The following RASAL2 variants were observed in gnomAD, a reference collection of about 807,000 sequenced individuals.
RASAL2 encodes the protein RAS protein activator like 2.
In RASAL2, 58 loss-of-function variants were observed where a neutral mutation model predicts 128.9. The ratio of observed to expected loss-of-function variants is 0.45; its 90% CI spans 0.36 to 0.56. RASAL2 has a LOEUF of 0.56. RASAL2 is among the 20% of genes least tolerant of loss of function. The pLI, the probability that RASAL2 is intolerant of heterozygous loss-of-function variation, is 0.00. For missense variants in RASAL2, 1,360 were observed against 1,601.6 expected (o/e 0.85, Z 2.57); for synonymous variants, 561 against 580.8 (o/e 0.97, Z 0.49).
At chr1:178,410,661 A>G (rs1384595849) in intron 4 of RASAL2, among the ~76,000 whole-genome samples, 1 of 152,134 alleles carries the variant, frequency 6.6e-6, no homozygotes, top group East Asian at 1.9e-4. Context: ...CAGGAACTCA[A>G]ACAAATCAAG....
chr1:178,200,954 G>A (rs913368163), intron 1 of RASAL2, among the ~76,000 whole-genome samples: 3 of 152,134 alleles, frequency 2.0e-5, no homozygotes, highest in African/African-American at 7.2e-5. Flanking sequence ...CCGGTGCCTG[G>A]CAAGACACCC....
intron 1 of RASAL2, among the ~76,000 whole-genome samples, chr1:178,110,515 T>C (rs1201303991): frequency 1.4e-5 from 2 of 147,332 alleles, no homozygotes; most frequent in African/African-American, 2.5e-5. Flanking sequence ...ATAGCATATA[T>C]AGTGTATATA....
At chr1:178,251,591 C>T (rs1222521843) in intron 1 of RASAL2, among the ~76,000 whole-genome samples, 2 of 152,092 alleles carry the variant, frequency 1.3e-5, no homozygotes, top group African/African-American at 2.4e-5. Context: ...AAAGTGGGGA[C>T]AGGGAATGGT....
chr1:178,185,977 A>G (rs1662277458), intron 1 of RASAL2, among the ~76,000 whole-genome samples: 1 of 152,106 alleles, frequency 6.6e-6, no homozygotes, highest in African/African-American at 2.4e-5. Flanking sequence ...TGTTCCTTAA[A>G]TGTTCGGTAG....
intron 1 of RASAL2, among the ~76,000 whole-genome samples, chr1:178,263,910 TAAAC>T (rs2102144080): frequency 6.6e-6 from 1 of 152,296 alleles, no homozygotes; most frequent in African/African-American, 2.4e-5. Context: ...TGAGTTGTGT[TAAAC>T]AACTCCATAG....
At chr1:178,332,169 A>C (rs2102372837) in intron 3 of RASAL2, among the ~76,000 whole-genome samples, 1 of 152,236 alleles carries the variant, frequency 6.6e-6, no homozygotes, top group East Asian at 1.9e-4. Flanking sequence ...TAGTAATAGA[A>C]TTTTTCTAAT....
chr1:178,266,746 A>G (rs1307392925), intron 1 of RASAL2, among the ~76,000 whole-genome samples: 2 of 152,206 alleles, frequency 1.3e-5, no homozygotes, highest in African/African-American at 4.8e-5. Flanking sequence ...TTATTTGCAT[A>G]GGGCTCAGGG....
intron 1 of RASAL2, among the ~76,000 whole-genome samples, chr1:178,271,189 T>G (rs1173157581): frequency 1.3e-5 from 2 of 152,218 alleles, no homozygotes; most frequent in East Asian, 3.8e-4. Context: ...CCTGAACCTT[T>G]CAAGGATTCT....
intron 5 of RASAL2, among the ~76,000 whole-genome samples, chr1:178,437,099 A>G (rs1676301381): frequency 6.6e-6 from 1 of 152,128 alleles, no homozygotes; most frequent in South Asian, 2.1e-4. Context: ...GTGTAGCACC[A>G]TGGCAACAGA....
intron 1 of RASAL2, among the ~76,000 whole-genome samples, chr1:178,199,817 T>G (rs1217718818): frequency 3.9e-5 from 6 of 152,180 alleles, no homozygotes; most frequent in Non-Finnish European, 8.8e-5. Context: ...GGAGATTAAC[T>G]TTTGAGTCAG....
chr1:178,245,511 C>T (rs538540144), intron 1 of RASAL2, among the ~76,000 whole-genome samples: 25 of 152,210 alleles, frequency 1.6e-4, no homozygotes, highest in East Asian at 5.8e-4. Flanking sequence ...AATTTTCTCC[C>T]GTTCTGTAGG....
chr1:178,263,604 GTTAAC>G (rs1464224004), intron 1 of RASAL2, among the ~76,000 whole-genome samples: 2 of 152,130 alleles, frequency 1.3e-5, no homozygotes, highest in Non-Finnish European at 2.9e-5. Flanking sequence ...TTTCTGGTGT[GTTAAC>G]TTATTGAATC....
At position 178,174,799 on chromosome 1, in the gene RASAL2, T is replaced by G. The variant is rs538559346; in HGVS notation, c.202+80105T>G. Among the ~76,000 whole-genome samples the G allele has an allele frequency of 2.0e-5, 3 of 152,312 alleles. No individual in the cohort carries two copies. The East Asian group carries it at 5.8e-4, about 29-fold the overall frequency. On this transcript the variant is annotated intron_variant, in intron 1 of 17. Transcript: ENST00000367649. The stretch of plus-strand genomic sequence containing the variant: ...TCCAAGGACAATTGAAGGCAATAGC[T>G]GGTTCCTTCATGTGCTAAATTCAGC...
In RASAL2 at chr1:178,387,965, T is replaced by C. The variant is rs1672680677; in HGVS notation, c.458-2135T>C. 7.2e-5 allele frequency among the ~76,000 whole-genome samples: 11 copies of C among 151,968 alleles called. 1 individual carries two copies. The highest frequency in any genetic ancestry group is 7.2e-4 in the Admixed American group (11 of 15,244). On this transcript the variant is annotated intron_variant, in intron 3 of 17. Coordinates refer to ENST00000367649, the MANE Select transcript of RASAL2 (RefSeq NM_170692.4). ...AAGAAAGTGAGGAAATTAATTTCAG[T>C]TTTTTTTCCTTAGCCAGAACATTGC...
intron 1 of RASAL2, among the ~76,000 whole-genome samples, chr1:178,173,728 G>T (rs1447851254): frequency 6.6e-6 from 1 of 151,918 alleles, no homozygotes; most frequent in Non-Finnish European, 1.5e-5. Context: ...TAGAAGTAAG[G>T]ATTCAAATCC....
chr1:178,315,551 C>G (rs1344288524), intron 3 of RASAL2, among the ~76,000 whole-genome samples: 2 of 141,368 alleles, frequency 1.4e-5, no homozygotes, highest in South Asian at 4.5e-4. Flanking sequence ...TGATGGTGAG[C>G]ATTTTTTCAT....
intron 5 of RASAL2, among the ~76,000 whole-genome samples, chr1:178,438,881 C>CTGTG (rs3042589): frequency 0.15 from 19,186 of 129,140 alleles, 1,564 homozygotes; most frequent in East Asian, 0.21. Flanking sequence ...AGCTTCGACT[C>CTGTG]TGTGTGTGTG....
At chr1:178,245,281 A>G (rs1664719969) in intron 1 of RASAL2, among the ~76,000 whole-genome samples, 1 of 152,222 alleles carries the variant, frequency 6.6e-6, no homozygotes, top group Non-Finnish European at 1.5e-5. Context: ...AACTGGCATG[A>G]GATGGTATTT....
At chr1:178,413,552 A>T (rs903804231) in intron 4 of RASAL2, among the ~76,000 whole-genome samples, 4 of 152,198 alleles carry the variant, frequency 2.6e-5, no homozygotes, top group Non-Finnish European at 5.9e-5. Context: ...TAGTTTTAGC[A>T]TATCCTCTCA....
Sources: gnomAD v4.1 joint callset for allele counts (sites outside exome capture counted in the v4.1 genomes callset) on GRCh38, gnomAD v4.1.1 for gene constraint, MANE v1.5 for transcripts, NCBI Gene and HGNC (gene_info 2026-07-23, HGNC 2026-07-21) for gene names.